Variants in PLXDC2 observed in about 807,000 individuals in gnomAD.
PLXDC2 encodes plexin domain containing 2.
Under a neutral mutation model 68.9 loss-of-function variants are expected in PLXDC2, and 40 were observed. The observed-to-expected ratio is 0.58, with a 90% CI of 0.45 to 0.76. The LOEUF (loss-of-function observed/expected upper bound fraction) is 0.76, where lower values mean the gene tolerates loss of function less well. PLXDC2 is among the 30% of genes least tolerant of loss of function. PLXDC2 has a pLI of 0.00. For missense variants in PLXDC2, 644 were observed against 661.9 expected, an observed-to-expected ratio of 0.97 and a Z score of 0.30; for synonymous variants, 243 against 234.2, an observed-to-expected ratio of 1.04 and a Z score of -0.34.
chr10:19,884,584 A>G (rs1006045188), intron 1 of PLXDC2, among the ~76,000 whole-genome samples: 2 of 144,134 alleles, frequency 1.4e-5, no homozygotes, highest in African/African-American at 5.2e-5. Flanking sequence ...ATTCCCACCT[A>G]TGAGTGAGAA....
intron 3 of PLXDC2, among the ~76,000 whole-genome samples, chr10:20,054,354 C>G (rs953321742): frequency 1.3e-5 from 2 of 151,910 alleles, no homozygotes; most frequent in Non-Finnish European, 2.9e-5. Context: ...CTGAGTCTCT[C>G]TAAGAGTCTC....
At chr10:20,247,296 C>CAAAAAAAA (rs77665495) in intron 13 of PLXDC2, among the ~76,000 whole-genome samples, 2 of 96,492 alleles carry the variant, frequency 2.1e-5, no homozygotes, top group Non-Finnish European at 4.5e-5. Flanking sequence ...TTCATCTCTA[C>CAAAAAAAA]AAAAAAAAAA....
chr10:20,015,736 G>A (rs938353502), intron 2 of PLXDC2, among the ~76,000 whole-genome samples: 2 of 152,006 alleles, frequency 1.3e-5, no homozygotes, highest in African/African-American at 2.4e-5. Flanking sequence ...GAGAGGATAC[G>A]ATGGTGAACC....
chr10:20,252,722 A>G (rs908605596), intron 13 of PLXDC2, among the ~76,000 whole-genome samples: 9 of 152,226 alleles, frequency 5.9e-5, no homozygotes, highest in Admixed American at 1.3e-4. Flanking sequence ...AAAATGAACA[A>G]GATCATCCTT....
chr10:19,931,344 C>A (rs1041580385), intron 1 of PLXDC2, among the ~76,000 whole-genome samples: 2 of 152,208 alleles, frequency 1.3e-5, no homozygotes, highest in African/African-American at 4.8e-5. Context: ...GCCTAAGACC[C>A]AGGCTGTGAG....
intron 13 of PLXDC2, among the ~76,000 whole-genome samples, chr10:20,252,127 C>A (rs1182210112): frequency 6.6e-6 from 1 of 152,048 alleles, no homozygotes; most frequent in African/African-American, 2.4e-5. Flanking sequence ...CGTGCAAGGG[C>A]AATGGAGTTT....
At chr10:19,827,428 T>A in intron 1 of PLXDC2, among the ~76,000 whole-genome samples, 1 of 152,236 alleles carries the variant, frequency 6.6e-6, no homozygotes, top group Non-Finnish European at 1.5e-5. Context: ...TTGATTGCAA[T>A]CTTATGAAGT....
At chr10:20,227,318 A>G (rs1210389313) in intron 12 of PLXDC2, among the ~76,000 whole-genome samples, 1 of 152,180 alleles carries the variant, frequency 6.6e-6, no homozygotes. Context: ...TAGAGTCAAG[A>G]AAAACTATAT....
rs183913651 is a variant in PLXDC2 at position 19,912,448 on chromosome 10, C to G, written c.113-89327C>G. On this transcript the variant is annotated intron_variant, in intron 1 of 13. Transcript: ENST00000377252. ...GGACTTTGGGAGGTGAATATACAAG[C>G]TAGTTATCAAACATCTCTTATGTAG... is the stretch of plus-strand genomic sequence containing the variant. 4.2e-3 allele frequency among the ~76,000 whole-genome samples: 644 copies of G among 152,188 alleles called. 5 individuals are homozygous for G. Among genetic ancestry groups the G allele is most frequent in the Middle Eastern group, 0.01 (3 of 294 alleles).
rs542048108 is a variant in PLXDC2 at position 19,938,392 on chromosome 10, C to T, written c.113-63383C>T. Among the ~76,000 whole-genome samples the T allele has an allele frequency of 1.1e-4, 16 of 152,276 alleles. 1 individual carries two copies. The highest frequency in any genetic ancestry group is 3.8e-4 in the African/African-American group (16 of 41,560). On this transcript the variant is annotated intron_variant, in intron 1 of 13. Transcript: ENST00000377252. ...TTTCATTGACTCATGGTTCTCCACG[C>T]TGTACAGGAAGCATGGCAGTATTTG...
chr10:20,104,604 G>A (rs1833465339), intron 4 of PLXDC2, among the ~76,000 whole-genome samples: 1 of 152,162 alleles, frequency 6.6e-6, no homozygotes, highest in African/African-American at 2.4e-5. Flanking sequence ...TGCTGTTAAT[G>A]TATTAGTTTA....
intron 1 of PLXDC2, among the ~76,000 whole-genome samples, chr10:20,000,999 G>A (rs1834926760): frequency 6.6e-6 from 1 of 152,174 alleles, no homozygotes; most frequent in African/African-American, 2.4e-5. Flanking sequence ...TCCTCCTGGA[G>A]TAGCAGGATG....
chr10:19,999,504 T>A (rs2131635686), intron 1 of PLXDC2, among the ~76,000 whole-genome samples: 1 of 152,216 alleles, frequency 6.6e-6, no homozygotes, highest in East Asian at 1.9e-4. Context: ...TCATTTAATC[T>A]ATTCTCTGAA....
intron 1 of PLXDC2, among the ~76,000 whole-genome samples, chr10:19,990,107 A>G (rs1564649191): frequency 6.6e-6 from 1 of 151,782 alleles, no homozygotes; most frequent in Non-Finnish European, 1.5e-5. Flanking sequence ...TTTTTTATTT[A>G]TACAATGAAA....
chr10:20,122,402 G>A (rs980199653), intron 4 of PLXDC2, among the ~76,000 whole-genome samples: 12 of 152,286 alleles, frequency 7.9e-5, no homozygotes, highest in Admixed American at 1.3e-4. Flanking sequence ...GGGGGCTTTC[G>A]AGGCGATTGG....
Position 20,284,221 on chromosome 10 carries a change from T to A in PLXDC2, c.*4402T>A, listed in dbSNP as rs1045812565. The A allele has an allele frequency of 6.6e-6, 1 of 151,308 alleles. No homozygotes were observed. The highest frequency in any genetic ancestry group is 1.5e-5 in the Non-Finnish European group (1 of 67,908). 9.4% of individuals were successfully genotyped at this position (151,308 alleles called of 1,614,324 possible). On this transcript the variant is annotated 3_prime_UTR_variant, in exon 14 of 14. Transcript: ENST00000377252. Reference sequence around the variant, plus strand: ...TTACTGCTGCTTTTACTTCACGACCTCCAACCCCACTTTTGTTATCAGCGT... The same window carrying A: ...TTACTGCTGCTTTTACTTCACGACCACCAACCCCACTTTTGTTATCAGCGT...
chr10:20,190,712 A>G (rs1258875435), intron 9 of PLXDC2, among the ~76,000 whole-genome samples: 1 of 151,784 alleles, frequency 6.6e-6, no homozygotes, highest in Non-Finnish European at 1.5e-5. Context: ...TTAAAAAGTA[A>G]TTTATGGTTT....
intron 1 of PLXDC2, among the ~76,000 whole-genome samples, chr10:19,846,597 C>A (rs900596770): frequency 2.0e-5 from 3 of 152,124 alleles, no homozygotes; most frequent in Non-Finnish European, 4.4e-5. Flanking sequence ...CCATAATAAA[C>A]CCTGCATGGA....
intron 2 of PLXDC2, among the ~76,000 whole-genome samples, chr10:20,037,083 A>G (rs1835590164): frequency 6.6e-6 from 1 of 152,200 alleles, no homozygotes; most frequent in African/African-American, 2.4e-5. Context: ...AAGGCATTCC[A>G]TGAGAGATCT....
Sources: gnomAD v4.1 joint callset for allele counts (sites outside exome capture counted in the v4.1 genomes callset) on GRCh38, gnomAD v4.1.1 for gene constraint, MANE v1.5 for transcripts, NCBI Gene and HGNC (gene_info 2026-07-23, HGNC 2026-07-21) for gene names.